Variants in SDE2 observed in about 807,000 individuals in gnomAD.
SDE2 encodes the protein splicing regulator SDE2.
In SDE2, 31 loss-of-function variants were observed where a neutral mutation model predicts 46.9. That is an observed-to-expected ratio of 0.66 (90% CI 0.50 to 0.89). The LOEUF is 0.89. SDE2 is among the 40% of genes least tolerant of loss of function. SDE2 has a pLI of 0.00. For missense variants in SDE2, 542 were observed against 564.4 expected, an observed-to-expected ratio of 0.96 and a Z score of 0.40; for synonymous variants, 205 against 204.3, an observed-to-expected ratio of 1.00 and a Z score of -0.03.
chr1:225,993,382 C>T (rs978648196), intron 2 of SDE2, among the ~76,000 whole-genome samples: 6 of 152,090 alleles, frequency 3.9e-5, no homozygotes, highest in Non-Finnish European at 7.4e-5. Flanking sequence ...GAGGCTGAGG[C>T]GGGCAGATCA....
In SDE2 at chr1:225,982,830, T is replaced by G. The variant is rs1324963022; in HGVS notation, c.*2472A>C. ...TTTAAATATGTAGATTTAATATGTA[T>G]GACAACTACAGCATAAAAGACAGGT... On this transcript the variant is annotated 3_prime_UTR_variant, in exon 7 of 7. Coordinates refer to ENST00000272091, the MANE Select transcript of SDE2 (RefSeq NM_152608.4). 6.6e-6 allele frequency: 1 copy of G among 152,162 alleles called. No homozygotes were observed. The highest frequency in any genetic ancestry group is 6.5e-5 in the Admixed American group (1 of 15,278). 9.4% of individuals were successfully genotyped at this position (152,162 alleles called of 1,614,324 possible).
rs543097425 is a variant in SDE2 at position 225,991,315 on chromosome 1, T to G, written c.569A>C (p.Asn190Thr). ...TTTAGTAGGCCATTGCCGTTTCCGA[T>G]TCTCACTGATTTCTGCTGAAACCAT... The part of the protein sequence containing the change: ...SKMVSAEISE[N>T]RKRQWPTKSQ... The change falls in exon 5 of 7, where the codon AAT becomes ACT. Residue 190 changes from asparagine (N) to threonine (T), a missense_variant. Asn to Thr is a moderately conservative substitution (Grantham distance 65). This residue lies in a region of SDE2 where 401 missense variants were observed against 437.8 expected (regional missense o/e 0.92). Transcript: ENST00000272091. The G allele has an allele frequency of 6.2e-7, 1 of 1,613,938 alleles. No individual in the cohort carries two copies. Among genetic ancestry groups the G allele is most frequent in the Admixed American group, 1.7e-5 (1 of 60,014 alleles).
intron 6 of SDE2, among the ~76,000 whole-genome samples, chr1:225,986,459 CT>C (rs1448135286): frequency 2.0e-5 from 3 of 151,946 alleles, no homozygotes; most frequent in Admixed American, 6.6e-5. Flanking sequence ...TATTAAAGAG[CT>C]CTGGAGACAT....
Position 225,982,741 on chromosome 1 carries a change from A to G in SDE2, c.*2561T>C, listed in dbSNP as rs1213296477. 1.3e-5 allele frequency: 2 copies of G among 152,122 alleles called. No homozygotes were observed. Among genetic ancestry groups the G allele is most frequent in the South Asian group, 2.1e-4 (1 of 4,822 alleles). The allele number at this position is 152,122 out of a possible 1,614,324, so 9.4% of individuals were successfully genotyped here. A position where few individuals can be genotyped will look rare whatever the true frequency, so the allele number is the denominator to read the frequency against. ...CAAAAGATTTTATTTTTTCCTCTTA[A>G]TTTCTTTAAAATACATATCATTATT... On this transcript the variant is annotated 3_prime_UTR_variant, in exon 7 of 7. Coordinates refer to ENST00000272091, the MANE Select transcript of SDE2 (RefSeq NM_152608.4).
rs199904241 is a variant in SDE2 at position 225,999,292 on chromosome 1, C to G, written c.21G>C (p.Leu7=). 179 of 1,611,862 alleles carry G rather than the reference C, an allele frequency of 1.1e-4. No homozygotes were observed. Among genetic ancestry groups the G allele is most frequent in the South Asian group, 7.4e-4 (67 of 90,848 alleles). Residue 7 remains leucine (L), a synonymous_variant, in exon 1 of 7, where the codon CTG becomes CTC. Coordinates refer to ENST00000272091, the MANE Select transcript of SDE2 (RefSeq NM_152608.4). ...CGAAGCCAGGGCCGCGAATCCACAC[C>G]AGCGCCGCGGCCTCCGCCATGTCAC... MAEAAA[L]VWIRGPGFGC...
Position 225,985,255 on chromosome 1 carries a change from G to A in SDE2, c.*47C>T, listed in dbSNP as rs1656243351. The A allele has an allele frequency of 1.4e-6, 2 of 1,445,962 alleles. No homozygotes were observed. Among genetic ancestry groups the A allele is most frequent in the South Asian group, 2.3e-5 (2 of 87,702 alleles). The allele number at this position is 1,445,962 out of a possible 1,614,324, so 89.6% of individuals were successfully genotyped here. ...GTCAAGAGTCCACATTATGCAGGTT[G>A]TAAATGGTAGACACTATAAACAAAT... On this transcript the variant is annotated 3_prime_UTR_variant, in exon 7 of 7. Coordinates refer to ENST00000272091, the MANE Select transcript of SDE2 (RefSeq NM_152608.4).
intron 1 of SDE2, among the ~76,000 whole-genome samples, chr1:225,995,752 G>C (rs1282221985): frequency 6.6e-6 from 1 of 152,098 alleles, no homozygotes; most frequent in African/African-American, 2.4e-5. Context: ...AAATTAAATT[G>C]AACATCAAAA....
intron 6 of SDE2, among the ~76,000 whole-genome samples, chr1:225,987,082 G>A (rs575795518): frequency 5.7e-4 from 86 of 152,156 alleles, no homozygotes; most frequent in Middle Eastern, 3.4e-3. Flanking sequence ...TCACTCTGTC[G>A]CCCAGGCTGG....
intron 5 of SDE2, among the ~76,000 whole-genome samples, chr1:225,989,608 G>A (rs1278019136): frequency 4.1e-5 from 6 of 146,830 alleles, no homozygotes; most frequent in South Asian, 2.1e-4. Context: ...CAGCTTGGGC[G>A]ACAGAGCAAG....
chr1:225,985,963 T>G (rs1054259119), intron 6 of SDE2, among the ~76,000 whole-genome samples: 1 of 152,314 alleles, frequency 6.6e-6, no homozygotes, highest in African/African-American at 2.4e-5. Flanking sequence ...TAAAACTAAT[T>G]GTCAGACCTC....
At chr1:225,995,160 T>C in intron 2 of SDE2, 106 bp downstream of exon 2, 2 of 646,354 alleles carry the variant, frequency 3.1e-6, no homozygotes, top group Non-Finnish European at 5.6e-6. Context: ...AGGTTGTTAA[T>C]TTAATACCAT....
At chr1:225,989,217 A>C (rs1429016791) in intron 5 of SDE2, among the ~76,000 whole-genome samples, 1 of 151,494 alleles carries the variant, frequency 6.6e-6, no homozygotes, top group African/African-American at 2.4e-5. Context: ...GAATCACTTG[A>C]ACCAGGAGGC....
chr1:225,991,163 T>G (rs1184078505), intron 5 of SDE2, 80 bp downstream of exon 5: 7 of 1,429,516 alleles, frequency 4.9e-6, no homozygotes, highest in Non-Finnish European at 6.8e-6. Context: ...CACAAAAATG[T>G]GTTTATGCCA....
At position 225,988,226 on chromosome 1, in the gene SDE2, C is replaced by T; in HGVS notation, c.804G>A (p.Arg268=). ...MAAKFPSGSQ[R]ARVVNTDHGS... ...CATGGTCTGTATTCACTACTCTCGC[C>T]CTCTGAGAACCACTGGGAAATTTGG... Residue 268 remains arginine, a synonymous_variant, in exon 6 of 7, where the codon AGG becomes AGA. Transcript: ENST00000272091. The T allele has an allele frequency of 1.9e-6, 3 of 1,614,160 alleles. No individual in the cohort carries two copies. Among genetic ancestry groups the T allele is most frequent in the Middle Eastern group, 1.6e-4 (1 of 6,062 alleles).
rs1656227449 is a variant in SDE2 at position 225,984,562 on chromosome 1, G to C, written c.*740C>G. 1 of 152,374 alleles carries C rather than the reference G, an allele frequency of 6.6e-6. No homozygotes were observed. The highest frequency in any genetic ancestry group is 2.4e-5 in the African/African-American group (1 of 41,584). The allele number at this position is 152,374 out of a possible 1,614,324, so 9.4% of individuals were successfully genotyped here. A position where few individuals can be genotyped will look rare whatever the true frequency, so the allele number is the denominator to read the frequency against. On this transcript the variant is annotated 3_prime_UTR_variant, in exon 7 of 7. Transcript: ENST00000272091. ...ACGGTGGCTCACGCCTGTAATCCCA[G>C]CACTCTGGGAGGCTGAGGCGGGTGG...
intron 1 of SDE2, among the ~76,000 whole-genome samples, chr1:225,996,854 G>T (rs1483435162): frequency 6.6e-6 from 1 of 152,188 alleles, no homozygotes; most frequent in African/African-American, 2.4e-5. Flanking sequence ...GATTGTGAAG[G>T]CTCCTCTTTC....
At chr1:225,995,409 G>T in intron 1 of SDE2, 26 bp from the exon 2 acceptor site, 1 of 1,171,298 alleles carries the variant, frequency 8.5e-7, no homozygotes, top group Non-Finnish European at 1.3e-6. Context: ...TTTTTTTAAT[G>T]CCTTTTATGA....
Position 225,982,873 on chromosome 1 carries a change from ATACT to A in SDE2, c.*2425_*2428del, listed in dbSNP as rs1243631262. On this transcript the variant is annotated 3_prime_UTR_variant, in exon 7 of 7. Coordinates refer to ENST00000272091, the MANE Select transcript of SDE2 (RefSeq NM_152608.4). ...AGACAGGTATGATAAATGGATGTAC[ATACT>A]TACAAGATTTCTACATTTTATGTGA... 9.2e-5 allele frequency: 14 copies of A among 152,336 alleles called. No individual in the cohort carries two copies. The highest frequency in any genetic ancestry group is 1.6e-4 in the Non-Finnish European group (11 of 68,024). The allele number at this position is 152,336 out of a possible 1,614,324, so 9.4% of individuals were successfully genotyped here. A position where few individuals can be genotyped will look rare whatever the true frequency, so the allele number is the denominator to read the frequency against.
In SDE2 at chr1:225,986,238, T is replaced by C. The variant is rs1656265090; in HGVS notation, c.1135-715A>G. ...CAGCGTGCCTGTAGTCTCAGCTACT[T>C]GGGAGACTGAGGCAGGAGAATCACT... On this transcript the variant is annotated intron_variant, in intron 6 of 6. Coordinates refer to ENST00000272091, the MANE Select transcript of SDE2 (RefSeq NM_152608.4). Among the ~76,000 whole-genome samples the C allele has an allele frequency of 2.0e-5, 3 of 151,836 alleles. No homozygotes were observed. In the South Asian group the frequency reaches 6.3e-4, roughly 32 times the overall value.
Sources: gnomAD v4.1 joint callset for allele counts (sites outside exome capture counted in the v4.1 genomes callset) on GRCh38, gnomAD v4.1.1 for gene constraint, gnomAD v4.1.1 regional missense constraint, MANE v1.5 for transcripts, NCBI Gene and HGNC (gene_info 2026-07-23, HGNC 2026-07-21) for gene names.